The following CLDN16 variants were observed in gnomAD, a reference collection of about 807,000 sequenced individuals.
The protein encoded by CLDN16 is claudin 16.
In CLDN16, 13 loss-of-function variants were observed where a neutral mutation model predicts 24.6. That is an observed-to-expected ratio of 0.53 (90% CI 0.34 to 0.84). CLDN16 has a LOEUF of 0.84. Among genes scored for constraint, CLDN16 ranks in the 40% least tolerant of loss-of-function variants. The pLI is 0.01. For synonymous variants in CLDN16, 116 were observed against 106.7 expected, an observed-to-expected ratio of 1.09 and a Z score of -0.54; for missense variants, 298 against 292.7, an observed-to-expected ratio of 1.02 and a Z score of -0.13.
chr3:190,355,942 T>C (rs186745653), intron 1 of CLDN16, among the ~76,000 whole-genome samples: 1 of 151,828 alleles, frequency 6.6e-6, no homozygotes, highest in African/African-American at 2.4e-5. Flanking sequence ...CCTGAATTGG[T>C]CAATTTTTAC....
rs570039853 is a variant in CLDN16 at position 190,360,710 on chromosome 3, CT to C, written n.122-10175del. ...TCCTTTCCTGCTTTTCTCGGATTAA[CT>C]TTTTTTTCTCCATAGAGTTCCATTT... On this transcript the variant is annotated intron_variant and non_coding_transcript_variant, in intron 1 of 4. Transcript: ENST00000468220. 5.3e-4 allele frequency among the ~76,000 whole-genome samples: 81 copies of C among 151,670 alleles called. 1 individual carries two copies. The highest frequency in any genetic ancestry group is 1.7e-3 in the African/African-American group (72 of 41,422).
chr3:190,357,819 T>C (rs994322375), intron 1 of CLDN16, among the ~76,000 whole-genome samples: 2 of 151,982 alleles, frequency 1.3e-5, no homozygotes, highest in African/African-American at 4.8e-5. Flanking sequence ...TGGGTCTGTA[T>C]CGGTTACATT....
chr3:190,368,290 A>G (rs916120012), intron 1 of CLDN16, among the ~76,000 whole-genome samples: 17 of 151,960 alleles, frequency 1.1e-4, no homozygotes, highest in Admixed American at 2.6e-4. Context: ...AATGACAGGG[A>G]TCTGATGATC....
At chr3:190,391,968 G>T (rs1718688855) in intron 1 of CLDN16, among the ~76,000 whole-genome samples, 1 of 151,354 alleles carries the variant, frequency 6.6e-6, no homozygotes, top group Non-Finnish European at 1.5e-5. Flanking sequence ...CTTATTAACT[G>T]CCTTCTATTA....
At chr3:190,320,647 C>T (rs1200923129), upstream of CLDN16, among the ~76,000 whole-genome samples, 1 of 152,172 alleles carries the variant, frequency 6.6e-6, no homozygotes, top group African/African-American at 2.4e-5. Flanking sequence ...TTTAATAACT[C>T]TAAACTATAT....
At chr3:190,388,155 T>C (rs748133024), upstream of CLDN16, 6 of 1,614,010 alleles carry the variant, frequency 3.7e-6, no homozygotes, top group Non-Finnish European at 4.2e-6. Context: ...TTACAGCCTG[T>C]TTGTATTATT....
At chr3:190,408,011 G>T (rs534385371) in intron 3 of CLDN16, among the ~76,000 whole-genome samples, 1 of 152,182 alleles carries the variant, frequency 6.6e-6, no homozygotes, top group African/African-American at 2.4e-5. Flanking sequence ...ACATGGCATT[G>T]GAAAGACAGG....
Position 190,342,761 on chromosome 3 carries a change from C to T in CLDN16, n.121+20100C>T, listed in dbSNP as rs568759734. Among the ~76,000 whole-genome samples, 14 of 152,182 alleles carry T rather than the reference C, an allele frequency of 9.2e-5. 1 individual carries two copies. In the South Asian group the frequency reaches 2.9e-3, roughly 32 times the overall value. ...TGGTGCTCAGAAAACTGGATTTTCA[C>T]ATGCAAAAGAAATACATTGGACCCT... On this transcript the variant is annotated intron_variant and non_coding_transcript_variant, in intron 1 of 4. Coordinates refer to the CLDN16 transcript ENST00000468220.
At chr3:190,319,898 G>A (rs1020179860), upstream of CLDN16, among the ~76,000 whole-genome samples, 5 of 152,170 alleles carry the variant, frequency 3.3e-5, no homozygotes, top group Admixed American at 6.5e-5. Flanking sequence ...AAAGCATCCC[G>A]TGAGTCACGG....
intron 1 of CLDN16, among the ~76,000 whole-genome samples, chr3:190,366,564 C>G (rs1474421238): frequency 6.6e-6 from 1 of 151,950 alleles, no homozygotes; most frequent in Non-Finnish European, 1.5e-5. Flanking sequence ...TCCAAACACA[C>G]CTGTAAAAGG....
At chr3:190,372,480 C>CG (rs1367520685) in intron 2 of CLDN16, among the ~76,000 whole-genome samples, 1 of 151,714 alleles carries the variant, frequency 6.6e-6, no homozygotes, top group Non-Finnish European at 1.5e-5. Flanking sequence ...CCCTTCCCCC[C>CG]CAAAATAAAA....
At chr3:190,395,749 A>C (rs1341781645) in intron 1 of CLDN16, among the ~76,000 whole-genome samples, 1 of 152,100 alleles carries the variant, frequency 6.6e-6, no homozygotes, top group African/African-American at 2.4e-5. Flanking sequence ...ATATCTTAAT[A>C]GCTTATTTTC....
chr3:190,408,180 G>A, intron 3 of CLDN16, 134 bp from the exon 4 acceptor site: 4 of 845,628 alleles, frequency 4.7e-6, no homozygotes, highest in Non-Finnish European at 8.3e-6. Context: ...CCGAAGTTCG[G>A]GTTGCCCATG....
chr3:190,388,574 A>G lies in CLDN16; in HGVS notation c.114+131A>G, dbSNP rs187863662. On this transcript the variant is annotated intron_variant, in intron 1 of 4. Transcript: ENST00000264734. ...CAAAAATAGGCAACATGGACTATTTATTGAGTCTTTACATTATTAGCTCAT... is the reference window on the plus strand; with the variant it reads ...CAAAAATAGGCAACATGGACTATTTGTTGAGTCTTTACATTATTAGCTCAT... 4 of 797,084 alleles carry G rather than the reference A, an allele frequency of 5.0e-6. No homozygotes were observed. In the East Asian group the frequency reaches 9.7e-5, roughly 19 times the overall value. 49.4% of individuals were successfully genotyped at this position (797,084 alleles called of 1,614,324 possible).
intron 1 of CLDN16, among the ~76,000 whole-genome samples, chr3:190,350,014 T>C (rs1717636920): frequency 6.6e-6 from 1 of 152,076 alleles, no homozygotes; most frequent in South Asian, 2.1e-4. Context: ...GATGTACTAA[T>C]CTTTTGAGGG....
chr3:190,355,838 A>AT (rs566399240), intron 1 of CLDN16, among the ~76,000 whole-genome samples: 12 of 151,800 alleles, frequency 7.9e-5, no homozygotes, highest in Admixed American at 4.6e-4. Flanking sequence ...AAAGTGAAGC[A>AT]TTTTTTTAGG....
At chr3:190,346,041 A>G (rs1239216507) in intron 1 of CLDN16, among the ~76,000 whole-genome samples, 2 of 152,168 alleles carry the variant, frequency 1.3e-5, no homozygotes, top group Non-Finnish European at 2.9e-5. Context: ...ATGAACATTC[A>G]GAAGTGTGAT....
At chr3:190,318,972 AG>A (rs961180604), upstream of CLDN16, among the ~76,000 whole-genome samples, 32 of 152,272 alleles carry the variant, frequency 2.1e-4, no homozygotes, top group African/African-American at 7.7e-4. Flanking sequence ...ACAGAATCTC[AG>A]GGTTCGGTGA....
rs1719246309 is a variant in CLDN16, at chr3:190,410,374, G to T, written c.*338G>T. 3 of 195,726 alleles carry T rather than the reference G, an allele frequency of 1.5e-5. No homozygotes were observed. In the South Asian group the frequency reaches 3.1e-4, roughly 20 times the overall value. 12.1% of individuals were successfully genotyped at this position (195,726 alleles called of 1,614,324 possible). On this transcript the variant is annotated 3_prime_UTR_variant, in exon 5 of 5. Transcript: ENST00000264734. ...AAATGAAATGATACTTAAACAGAAAGCAATTTCCAAAGAGGCCAGGGACCC... is the reference window on the plus strand; with the variant it reads ...AAATGAAATGATACTTAAACAGAAATCAATTTCCAAAGAGGCCAGGGACCC...
Sources: allele counts gnomAD v4.1 joint callset (sites outside exome capture counted in the v4.1 genomes callset), GRCh38; gene constraint gnomAD v4.1.1; transcripts MANE v1.5; gene names NCBI Gene and HGNC (gene_info 2026-07-23, HGNC 2026-07-21).